The following PRKG1 variants were observed in gnomAD, a reference collection of about 807,000 sequenced individuals.
The protein encoded by PRKG1 is protein kinase cGMP-dependent 1.
PRKG1 carries 35 observed loss-of-function variants against 88.1 expected under a neutral mutation model. That is an observed-to-expected ratio of 0.40 (90% CI 0.30 to 0.53). PRKG1 has a LOEUF of 0.53. Among genes scored for constraint, PRKG1 ranks in the 20% least tolerant of loss-of-function variants. PRKG1 has a pLI of 0.59. For synonymous variants in PRKG1, 303 were observed against 292.5 expected, an observed-to-expected ratio of 1.04 and a Z score of -0.37; for missense variants, 540 against 839.8, an observed-to-expected ratio of 0.64 and a Z score of 4.41.
intron 5 of PRKG1, among the ~76,000 whole-genome samples, chr10:52,050,824 A>G (rs1187681949): frequency 6.6e-6 from 1 of 152,218 alleles, no homozygotes; most frequent in Non-Finnish European, 1.5e-5. Flanking sequence ...CTATATCTGG[A>G]TATCCCCACC....
In PRKG1 at chr10:51,741,126, T is replaced by C. The variant is rs1366512360; in HGVS notation, c.593-63459T>C. Among the ~76,000 whole-genome samples the C allele has an allele frequency of 3.3e-5, 5 of 149,928 alleles. No individual in the cohort carries two copies. In the East Asian group the frequency reaches 7.9e-4, roughly 24 times the overall value. ...ATGTTGGGAAACAATGGGAGGTGGATCTGAATGAAACCTTTGGTGAAAAAA... is the reference window on the plus strand; with the variant it reads ...ATGTTGGGAAACAATGGGAGGTGGACCTGAATGAAACCTTTGGTGAAAAAA... On this transcript the variant is annotated intron_variant, in intron 3 of 17. Transcript: ENST00000373980.
chr10:51,597,963 C>T (rs1254175514), intron 3 of PRKG1, among the ~76,000 whole-genome samples: 1 of 152,074 alleles, frequency 6.6e-6, no homozygotes, highest in African/African-American at 2.4e-5. Flanking sequence ...TTTAAAAAAA[C>T]TCTAGAAGGA....
At position 52,167,914 on chromosome 10, in the gene PRKG1, T is replaced by C. The variant is rs1022076145; in HGVS notation, c.1076+5951T>C. Among the ~76,000 whole-genome samples, 74 of 152,194 alleles carry C rather than the reference T, an allele frequency of 4.9e-4. 3 individuals are homozygous for C. Among genetic ancestry groups the C allele is most frequent in the Admixed American group, 2.0e-4 (3 of 15,278 alleles). ...AATATTGCTCTTTATTAACTTCTTCTCTTGTCAAAATCTATGTGAAGCCTC... is the reference window on the plus strand; with the variant it reads ...AATATTGCTCTTTATTAACTTCTTCCCTTGTCAAAATCTATGTGAAGCCTC... On this transcript the variant is annotated intron_variant, in intron 9 of 17. Coordinates refer to ENST00000373980, the MANE Select transcript of PRKG1 (RefSeq NM_006258.4).
chr10:51,007,861 G>A (rs1391357401), intron 1 of PRKG1, among the ~76,000 whole-genome samples: 2 of 152,232 alleles, frequency 1.3e-5, no homozygotes, highest in Non-Finnish European at 2.9e-5. Flanking sequence ...AGCTTACTTT[G>A]TGCAAGGTAC....
intron 9 of PRKG1, among the ~76,000 whole-genome samples, chr10:52,189,769 CCTA>C (rs1032036151): frequency 1.8e-4 from 28 of 152,220 alleles, no homozygotes; most frequent in African/African-American, 6.3e-4. Context: ...TGATTTTGAA[CCTA>C]CTACATTTTA....
At chr10:51,902,678 T>C (rs910592795) in intron 4 of PRKG1, among the ~76,000 whole-genome samples, 1 of 152,104 alleles carries the variant, frequency 6.6e-6, no homozygotes, top group Non-Finnish European at 1.5e-5. Context: ...ACAGTAGAAG[T>C]GCTAATAGCA....
At chr10:51,107,300 T>A (rs1022750229) in intron 1 of PRKG1, among the ~76,000 whole-genome samples, 4 of 152,178 alleles carry the variant, frequency 2.6e-5, no homozygotes, top group African/African-American at 9.6e-5. Context: ...TTGGATATTA[T>A]CCCAATGCAA....
intron 2 of PRKG1, among the ~76,000 whole-genome samples, chr10:51,418,074 G>T (rs139290836): frequency 1.2e-4 from 18 of 152,264 alleles, no homozygotes; most frequent in Admixed American, 7.9e-4. Context: ...ATTCTTCTAT[G>T]CTTTCCTTAT....
chr10:52,021,227 G>A (rs553458174), intron 5 of PRKG1, among the ~76,000 whole-genome samples: 1 of 152,346 alleles, frequency 6.6e-6, no homozygotes, highest in Admixed American at 6.5e-5. Flanking sequence ...GTAAGGAAGT[G>A]TGGCACTTGA....
chr10:52,076,225 T>C (rs529119501), intron 7 of PRKG1, among the ~76,000 whole-genome samples: 11 of 152,292 alleles, frequency 7.2e-5, no homozygotes, highest in Admixed American at 2.0e-4. Context: ...TGGACTTTGG[T>C]TAGATGAAGA....
chr10:51,975,116 G>A (rs1343113162), intron 5 of PRKG1, among the ~76,000 whole-genome samples: 1 of 152,084 alleles, frequency 6.6e-6, no homozygotes, highest in Admixed American at 6.6e-5. Context: ...TGCATTAAAT[G>A]TGTTACCTCT....
chr10:51,737,737 A>AT (rs752573946), intron 3 of PRKG1, among the ~76,000 whole-genome samples: 7,603 of 136,686 alleles, frequency 0.056, 347 homozygotes, highest in Admixed American at 0.15. Flanking sequence ...TTATTTATTT[A>AT]TTAATTATTA....
At chr10:51,934,736 G>A (rs1306558212) in intron 5 of PRKG1, among the ~76,000 whole-genome samples, 4 of 152,166 alleles carry the variant, frequency 2.6e-5, no homozygotes, top group Non-Finnish European at 5.9e-5. Flanking sequence ...TGAGGAGAAG[G>A]ACAAACTACA....
At chr10:51,240,847 A>G (rs1839133841) in intron 2 of PRKG1, among the ~76,000 whole-genome samples, 1 of 152,238 alleles carries the variant, frequency 6.6e-6, no homozygotes, top group Non-Finnish European at 1.5e-5. Flanking sequence ...TAAGGAAAAG[A>G]TTCTGGACCA....
At chr10:51,203,224 C>T (rs188728142) in intron 2 of PRKG1, among the ~76,000 whole-genome samples, 2 of 152,130 alleles carry the variant, frequency 1.3e-5, no homozygotes, top group African/African-American at 4.8e-5. Flanking sequence ...TTATAAAATG[C>T]ACACACTGAG....
intron 12 of PRKG1, among the ~76,000 whole-genome samples, chr10:52,277,509 C>T (rs1279228279): frequency 4.6e-5 from 7 of 152,120 alleles, no homozygotes; most frequent in Admixed American, 4.6e-4. Flanking sequence ...ATTTTCAGTA[C>T]ATGCATTATT....
At chr10:52,207,920 C>T (rs1168652791) in intron 9 of PRKG1, among the ~76,000 whole-genome samples, 1 of 152,080 alleles carries the variant, frequency 6.6e-6, no homozygotes, top group African/African-American at 2.4e-5. Flanking sequence ...ATGTTCAAGT[C>T]TCTCAGTGGG....
At chr10:51,736,397 T>G (rs1181906341) in intron 3 of PRKG1, among the ~76,000 whole-genome samples, 3 of 152,130 alleles carry the variant, frequency 2.0e-5, no homozygotes, top group African/African-American at 7.2e-5. Flanking sequence ...ATCACAGGCG[T>G]GAGCCACTGT....
At chr10:51,235,112 C>G (rs1838949740) in intron 2 of PRKG1, among the ~76,000 whole-genome samples, 1 of 152,108 alleles carries the variant, frequency 6.6e-6, no homozygotes, top group Non-Finnish European at 1.5e-5. Flanking sequence ...GAACGATATT[C>G]CATGCAGGAA....
Sources: allele counts gnomAD v4.1 joint callset (sites outside exome capture counted in the v4.1 genomes callset), GRCh38; gene constraint gnomAD v4.1.1; transcripts MANE v1.5; gene names NCBI Gene and HGNC (gene_info 2026-07-23, HGNC 2026-07-21).